RNF150: variants seen among roughly 807,000 people sequenced by gnomAD.
RNF150 encodes the protein ring finger protein 150.
A neutral mutation model predicts 39.3 loss-of-function variants in RNF150; 24 were observed. The ratio of observed to expected loss-of-function variants is 0.61; its 90% confidence interval spans 0.44 to 0.86. The LOEUF is 0.86. Among genes scored for constraint, RNF150 ranks in the 40% least tolerant of loss-of-function variants. The probability of loss-of-function intolerance (pLI) is 0.00; values close to 1 mark genes in which losing one functional copy is unlikely to be tolerated. For synonymous variants in RNF150, 255 were observed against 227.3 expected, an observed-to-expected ratio of 1.12 and a Z score of -1.10; for missense variants, 502 against 587.8, an observed-to-expected ratio of 0.85 and a Z score of 1.51.
At chr4:140,978,642 T>C (rs1733751532) in intron 1 of RNF150, among the ~76,000 whole-genome samples, 1 of 152,166 alleles carries the variant, frequency 6.6e-6, no homozygotes, top group South Asian at 2.1e-4. Context: ...GGTTGACTTA[T>C]TACATTATTG....
intron 1 of RNF150, among the ~76,000 whole-genome samples, chr4:141,003,115 A>G (rs1734727638): frequency 1.3e-5 from 2 of 152,114 alleles, no homozygotes; most frequent in South Asian, 4.2e-4. Flanking sequence ...TTGAGTCAAC[A>G]AAAAACTACT....
intron 1 of RNF150, among the ~76,000 whole-genome samples, chr4:141,004,151 T>C (rs1414859689): frequency 6.6e-6 from 1 of 151,636 alleles, no homozygotes; most frequent in Non-Finnish European, 1.5e-5. Flanking sequence ...ATGGCTACAA[T>C]GGCGAACAAC....
intron 1 of RNF150, among the ~76,000 whole-genome samples, chr4:141,070,169 G>C (rs1219528574): frequency 5.3e-5 from 8 of 152,142 alleles, no homozygotes; most frequent in Admixed American, 2.0e-4. Context: ...GGGAAAACTG[G>C]CTAGACATAT....
At chr4:141,152,687 T>C (rs1021280965) in intron 1 of RNF150, among the ~76,000 whole-genome samples, 2 of 152,284 alleles carry the variant, frequency 1.3e-5, no homozygotes, top group African/African-American at 4.8e-5. Context: ...CCCCAGAAGA[T>C]GTTTGGGGTG....
intron 2 of RNF150, among the ~76,000 whole-genome samples, chr4:140,958,751 C>A (rs922457932): frequency 6.6e-6 from 1 of 152,064 alleles, no homozygotes; most frequent in Non-Finnish European, 1.5e-5. Context: ...GAAGTCCACA[C>A]ACTGGTGGCA....
At chr4:141,196,072 T>C (rs995474391) in intron 1 of RNF150, among the ~76,000 whole-genome samples, 31 of 152,212 alleles carry the variant, frequency 2.0e-4, no homozygotes, top group African/African-American at 7.2e-4. Flanking sequence ...AAAATGCCTA[T>C]GGTGAAGAAA....
intron 1 of RNF150, among the ~76,000 whole-genome samples, chr4:140,991,023 T>C (rs1414678654): frequency 2.6e-5 from 4 of 152,220 alleles, no homozygotes; most frequent in Non-Finnish European, 4.4e-5. Context: ...TTAATAATAA[T>C]TGTTATTCTG....
At chr4:141,157,012 T>G (rs1727417361) in intron 1 of RNF150, among the ~76,000 whole-genome samples, 1 of 152,186 alleles carries the variant, frequency 6.6e-6, no homozygotes, top group Non-Finnish European at 1.5e-5. Context: ...GTAAGGATGC[T>G]TTCAGCTGCA....
intron 1 of RNF150, among the ~76,000 whole-genome samples, chr4:141,078,832 T>TATATAC (rs1269919232): frequency 9.7e-5 from 10 of 102,846 alleles, no homozygotes; most frequent in South Asian, 3.5e-4. Context: ...TATATATATA[T>TATATAC]ACACACACAC....
At chr4:140,904,026 CG>C (rs925721850) in intron 6 of RNF150, among the ~76,000 whole-genome samples, 3 of 152,162 alleles carry the variant, frequency 2.0e-5, no homozygotes, top group Non-Finnish European at 4.4e-5. Flanking sequence ...AATGTTATTG[CG>C]GAAAACCCTG....
At chr4:141,167,578 C>G (rs1254131606) in intron 1 of RNF150, among the ~76,000 whole-genome samples, 3 of 151,982 alleles carry the variant, frequency 2.0e-5, no homozygotes, top group Non-Finnish European at 4.4e-5. Flanking sequence ...TAGCATGGTA[C>G]TGGTACCAAA....
At chr4:140,948,889 A>G (rs546702122) in intron 3 of RNF150, among the ~76,000 whole-genome samples, 6 of 152,344 alleles carry the variant, frequency 3.9e-5, no homozygotes, top group East Asian at 1.9e-4. Flanking sequence ...AACATCAGGA[A>G]CAACCATTTT....
chr4:141,201,824 T>A (rs891011902), intron 1 of RNF150, among the ~76,000 whole-genome samples: 3 of 152,192 alleles, frequency 2.0e-5, no homozygotes, highest in Non-Finnish European at 4.4e-5. Flanking sequence ...AACCTTGTGC[T>A]ATGGTCTGAA....
At chr4:141,052,859 C>T (rs1175090855) in intron 1 of RNF150, among the ~76,000 whole-genome samples, 1 of 152,082 alleles carries the variant, frequency 6.6e-6, no homozygotes, top group African/African-American at 2.4e-5. Flanking sequence ...CTGAAATCTC[C>T]CAAGTTTTGA....
intron 1 of RNF150, among the ~76,000 whole-genome samples, chr4:141,033,767 T>C (rs1321689060): frequency 6.6e-6 from 1 of 152,222 alleles, no homozygotes; most frequent in African/African-American, 2.4e-5. Flanking sequence ...AGGCGCATTG[T>C]CAATGAGCAA....
At chr4:141,141,149 G>T (rs1185590369) in intron 1 of RNF150, among the ~76,000 whole-genome samples, 1 of 152,178 alleles carries the variant, frequency 6.6e-6, no homozygotes, top group East Asian at 1.9e-4. Context: ...ACAGAAAATA[G>T]CATTTACTAT....
chr4:141,050,180 G>C (rs1222604721), intron 1 of RNF150, among the ~76,000 whole-genome samples: 3 of 152,062 alleles, frequency 2.0e-5, no homozygotes, highest in Admixed American at 2.0e-4. Flanking sequence ...ACAAAAATCA[G>C]TAGGGAGCTT....
chr4:140,985,401 C>A (rs994131372), intron 1 of RNF150, among the ~76,000 whole-genome samples: 2 of 152,108 alleles, frequency 1.3e-5, no homozygotes, highest in African/African-American at 4.8e-5. Flanking sequence ...TCTCTTCCAC[C>A]TCTGACCTTA....
chr4:141,095,730 A>G (rs1199244772), intron 1 of RNF150, among the ~76,000 whole-genome samples: 1 of 152,220 alleles, frequency 6.6e-6, no homozygotes, highest in African/African-American at 2.4e-5. Context: ...GGTTGCATAT[A>G]TAAAAATTAA....
Sources: allele counts gnomAD v4.1 joint callset (sites outside exome capture counted in the v4.1 genomes callset), GRCh38; gene constraint gnomAD v4.1.1; transcripts MANE v1.5; gene names NCBI Gene and HGNC (gene_info 2026-07-23, HGNC 2026-07-21).